Variants in PLB1 observed in about 807,000 individuals in gnomAD.
PLB1 encodes the protein phospholipase B1, also known as phospholipase B1, membrane-associated.
Under a neutral mutation model 227.4 loss-of-function variants are expected in PLB1, and 242 were observed. That is an observed-to-expected ratio of 1.06 (90% CI 0.96 to 1.18). The LOEUF is 1.18. Among genes scored for constraint, PLB1 ranks in the 50% most tolerant of loss-of-function variants. The probability of loss-of-function intolerance (pLI) is 0.00; values close to 1 mark genes in which losing one functional copy is unlikely to be tolerated. For synonymous variants in PLB1, 757 were observed against 682.2 expected (o/e 1.11, Z -1.71); for missense variants, 1,858 against 1,816.3 (o/e 1.02, Z -0.42).
At chr2:28,635,572 A>G (rs1384612028) in intron 56 of PLB1, among the ~76,000 whole-genome samples, 1 of 115,336 alleles carries the variant, frequency 8.7e-6, no homozygotes, top group African/African-American at 2.6e-5. Flanking sequence ...TTAGAGTCCT[A>G]TGACATAGTG....
At chr2:28,635,261 G>A (rs967019165) in intron 56 of PLB1, among the ~76,000 whole-genome samples, 1 of 152,176 alleles carries the variant, frequency 6.6e-6, no homozygotes, top group African/African-American at 2.4e-5. Context: ...TAAAGCTGTA[G>A]CATGATGCCA....
intron 44 of PLB1, 108 bp from the exon 45 acceptor site, chr2:28,617,617 ACT>A: frequency 2.0e-6 from 2 of 996,970 alleles, no homozygotes; most frequent in Non-Finnish European, 3.2e-6. Context: ...CTGTATGGTG[ACT>A]CATTTCTAGC....
rs1269957579 is a variant in PLB1, at chr2:28,591,165, C to T, written c.2121C>T (p.Ser707=). Residue 707 remains serine, a synonymous_variant, in exon 30 of 58, where the codon AGC becomes AGT. Coordinates refer to ENST00000327757, the MANE Select transcript of PLB1 (RefSeq NM_153021.5). ...CGTTTCTGAGGACCTACAAGAACAGCATGCAGGTACCTGCCTCTTGCCTCC... is the reference window on the plus strand; with the variant it reads ...CGTTTCTGAGGACCTACAAGAACAGTATGCAGGTACCTGCCTCTTGCCTCC... ...VQPFLRTYKN[S]MQGHGTWLPC... 5.6e-6 allele frequency: 9 copies of T among 1,614,102 alleles called. No individual in the cohort carries two copies. In the African/African-American group the frequency reaches 1.1e-4, roughly 19 times the overall value.
chr2:28,606,017 A>G, intron 42 of PLB1, 69 bp downstream of exon 42: 1 of 1,292,548 alleles, frequency 7.7e-7, no homozygotes, highest in Non-Finnish European at 1.1e-6. Flanking sequence ...CCCCTATAGA[A>G]TGGAGTCTTG....
At chr2:28,619,676 T>C (rs1381678347) in intron 46 of PLB1, among the ~76,000 whole-genome samples, 2 of 151,742 alleles carry the variant, frequency 1.3e-5, no homozygotes, top group African/African-American at 4.8e-5. Context: ...TGGGTGGTAA[T>C]GGGGTAGACC....
chr2:28,529,887 C>G, intron 8 of PLB1, 108 bp downstream of exon 8: 1 of 964,020 alleles, frequency 1.0e-6, no homozygotes, highest in East Asian at 2.4e-5. Flanking sequence ...AACTCGGCAA[C>G]TAGTGTGACC....
At chr2:28,506,506 GGA>G (rs1667652252) in intron 1 of PLB1, among the ~76,000 whole-genome samples, 1 of 152,196 alleles carries the variant, frequency 6.6e-6, no homozygotes, top group African/African-American at 2.4e-5. Context: ...CCCGGTGCAA[GGA>G]GAGAGGAGAT....
chr2:28,537,560 G>A (rs531585078), intron 9 of PLB1, among the ~76,000 whole-genome samples: 56 of 151,104 alleles, frequency 3.7e-4, no homozygotes, highest in African/African-American at 1.3e-3. Context: ...GCATGGTGGC[G>A]GGCGCCTGTA....
chr2:28,623,068 C>T (rs1446251250), intron 49 of PLB1, among the ~76,000 whole-genome samples: 1 of 152,156 alleles, frequency 6.6e-6, no homozygotes, highest in African/African-American at 2.4e-5. Flanking sequence ...ATTAAGAGAA[C>T]AGAAGAGCAC....
chr2:28,634,075 CTTT>C (rs1689016493), intron 56 of PLB1, among the ~76,000 whole-genome samples: 1 of 152,158 alleles, frequency 6.6e-6, no homozygotes, highest in Non-Finnish European at 1.5e-5. Context: ...GCAACCTCTT[CTTT>C]TAAGAACAGC....
intron 43 of PLB1, among the ~76,000 whole-genome samples, chr2:28,610,199 A>G (rs1297775740): frequency 6.6e-6 from 1 of 152,118 alleles, no homozygotes; most frequent in African/African-American, 2.4e-5. Context: ...GTACCTATCA[A>G]CCGGTCATCT....
chr2:28,558,408 C>T (rs548423871), intron 17 of PLB1, among the ~76,000 whole-genome samples: 10 of 152,106 alleles, frequency 6.6e-5, no homozygotes, highest in South Asian at 2.1e-4. Flanking sequence ...CTGTTATCAC[C>T]AGAAGCTAAA....
chr2:28,641,201 C>T (rs1379505824), intron 57 of PLB1, among the ~76,000 whole-genome samples, 200 bp downstream of exon 57: 5 of 152,246 alleles, frequency 3.3e-5, no homozygotes, highest in South Asian at 4.1e-4. Flanking sequence ...GGGGAGAGGA[C>T]GTTCAACAGC....
chr2:28,526,503 G>T (rs1670285038), intron 6 of PLB1, among the ~76,000 whole-genome samples: 1 of 152,174 alleles, frequency 6.6e-6, no homozygotes, highest in Non-Finnish European at 1.5e-5. Flanking sequence ...ATTTACAAAT[G>T]TGCTTGCGAA....
intron 20 of PLB1, among the ~76,000 whole-genome samples, chr2:28,567,469 C>CTTTTTTTTTTTTTTTTTTTTTTTT (rs57787583): frequency 9.3e-6 from 1 of 108,090 alleles, no homozygotes; most frequent in African/African-American, 4.0e-5. Context: ...ATTTCTTTCT[C>CTTTTTTTTTTTTTTTTTTTTTTTT]TTTTTTTTTT....
At chr2:28,591,859 A>G in intron 31 of PLB1, 99 bp downstream of exon 31, 1 of 1,169,000 alleles carries the variant, frequency 8.6e-7, no homozygotes, top group Non-Finnish European at 1.3e-6. Context: ...TAAATGGCAC[A>G]GTGACGGCCA....
intron 21 of PLB1, 73 bp from the exon 22 acceptor site, chr2:28,578,033 AT>A: frequency 6.9e-7 from 1 of 1,448,024 alleles, no homozygotes; most frequent in Non-Finnish European, 9.7e-7. Context: ...CATACATTTG[AT>A]TGCTGTTCTC....
intron 9 of PLB1, among the ~76,000 whole-genome samples, chr2:28,537,457 G>A (rs1200938961): frequency 1.3e-5 from 2 of 152,066 alleles, no homozygotes; most frequent in African/African-American, 4.8e-5. Context: ...TTGGGAGGCC[G>A]AGGTAGGTGG....
chr2:28,520,471 A>G (rs1419704274), intron 4 of PLB1, among the ~76,000 whole-genome samples: 3 of 152,224 alleles, frequency 2.0e-5, no homozygotes, highest in Non-Finnish European at 2.9e-5. Context: ...TGGTAAATAC[A>G]TAGAACACAA....
Sources: gnomAD v4.1 joint callset for allele counts (sites outside exome capture counted in the v4.1 genomes callset) on GRCh38, gnomAD v4.1.1 for gene constraint, MANE v1.5 for transcripts, NCBI Gene and HGNC (gene_info 2026-07-23, HGNC 2026-07-21) for gene names.